Variants in STK32C observed in about 807,000 individuals in gnomAD.
The protein encoded by STK32C is serine/threonine-protein kinase 32C.
In STK32C, 31 loss-of-function variants were observed where a neutral mutation model predicts 56.5. The ratio of observed to expected loss-of-function variants is 0.55; its 90% CI spans 0.41 to 0.74. The LOEUF (loss-of-function observed/expected upper bound fraction) is 0.74. Ranked by LOEUF, STK32C falls within the 30% of genes least tolerant of loss-of-function variation. The pLI is 0.00. For missense variants in STK32C, 544 were observed against 676.9 expected, an observed-to-expected ratio of 0.80 and a Z score of 2.18; for synonymous variants, 309 against 289.4, an observed-to-expected ratio of 1.07 and a Z score of -0.69.
At chr10:132,239,814 C>T (rs955996901) in intron 2 of STK32C, among the ~76,000 whole-genome samples, 38 of 152,366 alleles carry the variant, frequency 2.5e-4, no homozygotes, top group Non-Finnish European at 4.4e-4. Flanking sequence ...CACATAGGCC[C>T]GGGTTCCCCA....
chr10:132,208,326 G>A (rs1196167544), intron 11 of STK32C, among the ~76,000 whole-genome samples, 175 bp from the exon 12 acceptor site: 2 of 152,240 alleles, frequency 1.3e-5, no homozygotes, highest in Non-Finnish European at 2.9e-5. Context: ...GGGAGCCTGG[G>A]GACGGGTGGG....
intron 1 of STK32C, among the ~76,000 whole-genome samples, chr10:132,290,988 C>T (rs906868766): frequency 6.6e-5 from 10 of 152,212 alleles, no homozygotes; most frequent in Non-Finnish European, 1.0e-4. Flanking sequence ...GCTTCCGCTG[C>T]CTTGGCTCTC....
At chr10:132,296,832 G>A (rs954674498) in intron 1 of STK32C, among the ~76,000 whole-genome samples, 1 of 152,244 alleles carries the variant, frequency 6.6e-6, no homozygotes, top group African/African-American at 2.4e-5. Flanking sequence ...CGACCCCGGG[G>A]CATGGTGGCC....
intron 1 of STK32C, among the ~76,000 whole-genome samples, chr10:132,275,826 C>T (rs1332252924): frequency 6.6e-6 from 1 of 152,232 alleles, no homozygotes; most frequent in African/African-American, 2.4e-5. Flanking sequence ...GCTCCATGTT[C>T]TTCCTGCCCC....
chr10:132,238,060 C>A (rs889398325), intron 2 of STK32C, among the ~76,000 whole-genome samples: 3 of 152,140 alleles, frequency 2.0e-5, no homozygotes, highest in Non-Finnish European at 4.4e-5. Context: ...CTAAGCTGGG[C>A]CCCTCAGTGT....
At position 132,207,610 on chromosome 10, in the gene STK32C, A is replaced by G. The variant is rs1211338832; in HGVS notation, c.*400T>C. The G allele has an allele frequency of 1.7e-5, 3 of 179,680 alleles. No homozygotes were observed. The highest frequency in any genetic ancestry group is 6.3e-5 in the Admixed American group (1 of 15,986). 11.1% of individuals were successfully genotyped at this position (179,680 alleles called of 1,614,324 possible). A position where few individuals can be genotyped will look rare whatever the true frequency, so the allele number is the denominator to read the frequency against. The stretch of plus-strand genomic sequence containing the variant: ...ACCCCAACCCATGCCCTTGACCTCC[A>G]AGACCTGAGCCGAGCCTGGGGCACC... On this transcript the variant is annotated 3_prime_UTR_variant, in exon 12 of 12. Coordinates refer to ENST00000298630, the MANE Select transcript of STK32C (RefSeq NM_173575.4).
chr10:132,332,131 G>A (rs1032575319), upstream of STK32C: 7 of 180,208 alleles, frequency 3.9e-5, no homozygotes, highest in African/African-American at 2.4e-5. Flanking sequence ...CGCGCTCAGC[G>A]TGGCGCCTGC....
chr10:132,240,921 T>C (rs2063478626), intron 2 of STK32C, among the ~76,000 whole-genome samples: 1 of 151,876 alleles, frequency 6.6e-6, no homozygotes, highest in East Asian at 2.0e-4. Context: ...ACCACACCCC[T>C]AGAGACACGC....
intron 1 of STK32C, among the ~76,000 whole-genome samples, chr10:132,248,670 C>T (rs1197970628): frequency 2.0e-5 from 3 of 152,232 alleles, no homozygotes; most frequent in Admixed American, 6.5e-5. Flanking sequence ...CCTAGGACGG[C>T]CACATGGCAC....
chr10:132,312,631 G>A (rs1223812248), upstream of STK32C, among the ~76,000 whole-genome samples: 6 of 152,150 alleles, frequency 3.9e-5, no homozygotes, highest in Non-Finnish European at 8.8e-5. Context: ...TTCAAGGCCT[G>A]GCAAGAATTC....
chr10:132,297,969 G>T (rs914664330), intron 1 of STK32C, among the ~76,000 whole-genome samples: 1 of 152,234 alleles, frequency 6.6e-6, no homozygotes, highest in African/African-American at 2.4e-5. Context: ...TGGGGTCTTG[G>T]TGCTCTGCGG....
At chr10:132,306,046 C>T (rs2066049169) in intron 1 of STK32C, among the ~76,000 whole-genome samples, 1 of 152,238 alleles carries the variant, frequency 6.6e-6, no homozygotes, top group Admixed American at 6.5e-5. Flanking sequence ...TCTGTGCTTG[C>T]TCTTTTTGCC....
At chr10:132,277,755 A>G (rs1188061245) in intron 1 of STK32C, among the ~76,000 whole-genome samples, 2 of 152,192 alleles carry the variant, frequency 1.3e-5, no homozygotes, top group African/African-American at 4.8e-5. Flanking sequence ...TCCCTTGCAC[A>G]GACAAGTGCA....
chr10:132,229,578 G>T (rs958254868), intron 2 of STK32C, among the ~76,000 whole-genome samples: 2 of 152,236 alleles, frequency 1.3e-5, no homozygotes, highest in Non-Finnish European at 2.9e-5. Flanking sequence ...TAACATGTTT[G>T]TTCTGGGATT....
chr10:132,290,022 G>T (rs2138294534), intron 1 of STK32C, among the ~76,000 whole-genome samples: 1 of 152,288 alleles, frequency 6.6e-6, no homozygotes, highest in Admixed American at 6.5e-5. Flanking sequence ...TAATTTTCTT[G>T]AAAACCGTAT....
At chr10:132,237,653 GGCTGGCCCCGGTGCAGCT>G (rs1371382425) in intron 2 of STK32C, among the ~76,000 whole-genome samples, 9 of 152,210 alleles carry the variant, frequency 5.9e-5, no homozygotes, top group African/African-American at 1.9e-4. Context: ...GTGCCGGCGG[GGCTGGCCCCGGTGCAGCT>G]CCATCCCTCT....
At position 132,208,073 on chromosome 10, in the gene STK32C, G is replaced by A. The variant is rs368075651; in HGVS notation, c.1398C>T (p.Asp466=). Reference sequence around the variant, plus strand: ...TGGGCAGGGCGGAGCGTTCCGCCTCGTCCTCCACAGGCTCCGCAGCATCCC... The same window carrying A: ...TGGGCAGGGCGGAGCGTTCCGCCTCATCCTCCACAGGCTCCGCAGCATCCC... ...ESRDAAEPVE[D]EAERSALPMC... The change falls in exon 12 of 12, where the codon GAC becomes GAT. Residue 466 remains aspartate (D), a synonymous_variant. Transcript: ENST00000298630. 9 of 1,310,812 alleles carry A rather than the reference G, an allele frequency of 6.9e-6. No individual in the cohort carries two copies. Among genetic ancestry groups the A allele is most frequent in the South Asian group, 3.2e-5 (1 of 31,520 alleles). 81.2% of individuals were successfully genotyped at this position (1,310,812 alleles called of 1,614,324 possible).
chr10:132,226,718 G>A (rs545715880), intron 4 of STK32C, 77 bp downstream of exon 4: 51 of 1,547,802 alleles, frequency 3.3e-5, no homozygotes, highest in Admixed American at 2.0e-4. Context: ...TACGGCCGCC[G>A]TGCCGGCAGC....
At chr10:132,228,250 C>T (rs559677365) in intron 2 of STK32C, 122 bp from the exon 3 acceptor site, 35 of 1,264,832 alleles carry the variant, frequency 2.8e-5, no homozygotes, top group African/African-American at 1.6e-4. Context: ...CACCTGGGGA[C>T]GCGCCGCAGC....
Sources: gnomAD v4.1 joint callset for allele counts (sites outside exome capture counted in the v4.1 genomes callset) on GRCh38, gnomAD v4.1.1 for gene constraint, MANE v1.5 for transcripts, NCBI Gene and HGNC (gene_info 2026-07-23, HGNC 2026-07-21) for gene names.